Variants in FAM53B observed in about 807,000 individuals in gnomAD.
FAM53B encodes the protein protein FAM53B.
Under a neutral mutation model 32.7 loss-of-function variants are expected in FAM53B, and 12 were observed. The observed-to-expected ratio is 0.37, with a 90% CI of 0.24 to 0.59. The LOEUF is 0.59. Ranked by LOEUF, FAM53B falls within the 20% of genes least tolerant of loss-of-function variation. The pLI is 0.72. For missense variants in FAM53B, 477 were observed against 577.7 expected (o/e 0.83, Z 1.79); for synonymous variants, 234 against 228.7 (o/e 1.02, Z -0.21).
chr10:124,669,295 G>A (rs913812846), intron 4 of FAM53B, among the ~76,000 whole-genome samples: 3 of 152,170 alleles, frequency 2.0e-5, no homozygotes, highest in Non-Finnish European at 2.9e-5. Flanking sequence ...CTTCTCCCTC[G>A]TGTCCCGGAC....
intron 4 of FAM53B, among the ~76,000 whole-genome samples, chr10:124,646,300 T>C (rs1430776639): frequency 6.6e-6 from 1 of 152,246 alleles, no homozygotes; most frequent in East Asian, 1.9e-4. Context: ...CCTTCAAGAA[T>C]GTTTCCATCG....
intron 4 of FAM53B, among the ~76,000 whole-genome samples, chr10:124,629,963 G>C (rs1413522040): frequency 2.6e-5 from 4 of 152,232 alleles, no homozygotes; most frequent in Non-Finnish European, 1.5e-5. Context: ...ATGCCTCGAA[G>C]GCTGTGGGCA....
rs530504774 is a variant in FAM53B at position 124,623,781 on chromosome 10, C to T, written c.907-177G>A. On this transcript the variant is annotated intron_variant, in intron 4 of 4. Transcript: ENST00000337318. ...CAACGTACTCATGAAGATGCACCTCCGGCCAATGAGCGCTCTGTGCTCATA... is the reference window on the plus strand; with the variant it reads ...CAACGTACTCATGAAGATGCACCTCTGGCCAATGAGCGCTCTGTGCTCATA... 197 of 625,042 alleles carry T rather than the reference C, an allele frequency of 3.2e-4. No individual in the cohort carries two copies. In the East Asian group the frequency reaches 4.7e-3, roughly 15 times the overall value. 38.7% of individuals were successfully genotyped at this position (625,042 alleles called of 1,614,324 possible). A position where few individuals can be genotyped will look rare whatever the true frequency, so the allele number is the denominator to read the frequency against.
intron 2 of FAM53B, 139 bp downstream of exon 2, chr10:124,706,497 G>T: frequency 1.0e-6 from 1 of 1,002,528 alleles, no homozygotes; most frequent in Non-Finnish European, 1.5e-6. Context: ...TGTTGCCCCA[G>T]CCCGGGACGC....
intron 4 of FAM53B, among the ~76,000 whole-genome samples, chr10:124,639,204 G>A (rs1383229083): frequency 6.6e-6 from 1 of 152,172 alleles, no homozygotes; most frequent in Non-Finnish European, 1.5e-5. Flanking sequence ...GCCATGGGGG[G>A]TTGGGTTCTG....
At chr10:124,646,635 C>T (rs1182953383) in intron 4 of FAM53B, among the ~76,000 whole-genome samples, 2 of 152,200 alleles carry the variant, frequency 1.3e-5, no homozygotes, top group African/African-American at 2.4e-5. Flanking sequence ...CTCAGATGGC[C>T]ACCCTGTGAC....
rs1050497975 is a variant in FAM53B, at chr10:124,697,570, G to C, written c.79-1358C>G. 4.6e-5 allele frequency among the ~76,000 whole-genome samples: 7 copies of C among 152,250 alleles called. No individual in the cohort carries two copies. In the East Asian group the frequency reaches 1.4e-3, roughly 29 times the overall value. On this transcript the variant is annotated intron_variant, in intron 2 of 4. Transcript: ENST00000337318. ...CTAAGGGTCCATGCTGACCAACCTG[G>C]GGACACAGAGGTGAAGGAGGGCTCA...
rs2134032693 is a variant in FAM53B, at chr10:124,623,114, G to C, written c.*128C>G. 1 of 1,278,242 alleles carries C rather than the reference G, an allele frequency of 7.8e-7. No homozygotes were observed. 79.2% of individuals were successfully genotyped at this position (1,278,242 alleles called of 1,614,324 possible). A position where few individuals can be genotyped will look rare whatever the true frequency, so the allele number is the denominator to read the frequency against. Reference sequence around the variant, plus strand: ...GGCAGCAGGTGGGCTCCCTCTCTGGGACCCGACACCACTCAGGAAGCTTTC... The same window carrying C: ...GGCAGCAGGTGGGCTCCCTCTCTGGCACCCGACACCACTCAGGAAGCTTTC... On this transcript the variant is annotated 3_prime_UTR_variant, in exon 5 of 5. Coordinates refer to ENST00000337318, the MANE Select transcript of FAM53B (RefSeq NM_014661.4).
chr10:124,620,032 G>GTTTGT lies in FAM53B; in HGVS notation c.*3205_*3209dup, dbSNP rs1415361137. The stretch of plus-strand genomic sequence containing the variant: ...GAGACCCATTTGGAAGTTAGTTAGG[G>GTTTGT]TTTGTTTTGTTTTCTTTTTAATGTG... On this transcript the variant is annotated 3_prime_UTR_variant, in exon 5 of 5. Coordinates refer to ENST00000337318, the MANE Select transcript of FAM53B (RefSeq NM_014661.4). The GTTTGT allele has an allele frequency of 1.3e-5, 2 of 152,360 alleles. No individual in the cohort carries two copies. Among genetic ancestry groups the GTTTGT allele is most frequent in the African/African-American group, 4.8e-5 (2 of 41,444 alleles). 9.4% of individuals were successfully genotyped at this position (152,360 alleles called of 1,614,324 possible). A position where few individuals can be genotyped will look rare whatever the true frequency, so the allele number is the denominator to read the frequency against.
intron 4 of FAM53B, among the ~76,000 whole-genome samples, chr10:124,657,112 GTGTGTGTATATATA>G (rs1949596153): frequency 7.3e-6 from 1 of 136,988 alleles, no homozygotes; most frequent in African/African-American, 2.6e-5. Context: ...ATATATATGT[GTGTGTGTATATATA>G]TGTGTGTATA....
chr10:124,714,044 C>G (rs1950023271), intron 1 of FAM53B: 1 of 152,144 alleles, frequency 6.6e-6, no homozygotes, highest in Non-Finnish European at 1.5e-5. Flanking sequence ...AAGGGTGTTG[C>G]TTAGTGGGTC....
intron 1 of FAM53B, among the ~76,000 whole-genome samples, chr10:124,710,013 A>G (rs1949989859): frequency 6.6e-6 from 1 of 152,240 alleles, no homozygotes; most frequent in South Asian, 2.1e-4. Context: ...GCAAGATTTC[A>G]TCAGGAAGGG....
At chr10:124,739,406 C>T (rs545543115) in intron 1 of FAM53B, among the ~76,000 whole-genome samples, 1 of 152,342 alleles carries the variant, frequency 6.6e-6, no homozygotes, top group African/African-American at 2.4e-5. Flanking sequence ...GTGGGTGCTG[C>T]CATTATTCTT....
At chr10:124,623,660 G>A in intron 4 of FAM53B, 56 bp from the exon 5 acceptor site, 1 of 1,534,690 alleles carries the variant, frequency 6.5e-7, no homozygotes, top group Non-Finnish European at 8.7e-7. Context: ...CGCAGCCCCA[G>A]GACTGCACAC....
chr10:124,738,542 T>C (rs1950184091), intron 1 of FAM53B, among the ~76,000 whole-genome samples: 1 of 151,794 alleles, frequency 6.6e-6, no homozygotes, highest in South Asian at 2.1e-4. Flanking sequence ...TGGGTCTCCT[T>C]ATTCTTCCTT....
chr10:124,740,823 C>T (rs559735244), intron 1 of FAM53B, among the ~76,000 whole-genome samples: 1 of 152,248 alleles, frequency 6.6e-6, no homozygotes, highest in African/African-American at 2.4e-5. Context: ...TGTTTTGTGG[C>T]GTGGAGGGGA....
At chr10:124,717,708 A>G (rs1443215448) in intron 1 of FAM53B, among the ~76,000 whole-genome samples, 1 of 152,152 alleles carries the variant, frequency 6.6e-6, no homozygotes, top group Non-Finnish European at 1.5e-5. Flanking sequence ...GCATTTTCCA[A>G]GCTCAATCCT....
At chr10:124,714,116 C>G (rs1403917120) in intron 1 of FAM53B, 1 of 151,984 alleles carries the variant, frequency 6.6e-6, no homozygotes, top group Non-Finnish European at 1.5e-5. Context: ...CGAGGGGAGC[C>G]GAATGCTGCA....
intron 1 of FAM53B, among the ~76,000 whole-genome samples, chr10:124,714,522 AG>A (rs1950026606): frequency 6.6e-6 from 1 of 152,180 alleles, no homozygotes; most frequent in African/African-American, 2.4e-5. Flanking sequence ...GCACTTTGGG[AG>A]GCTGAGGCAG....
Sources: gnomAD v4.1 joint callset for allele counts (sites outside exome capture counted in the v4.1 genomes callset) on GRCh38, gnomAD v4.1.1 for gene constraint, MANE v1.5 for transcripts, NCBI Gene and HGNC (gene_info 2026-07-23, HGNC 2026-07-21) for gene names.